AKAIN1: variants seen among roughly 807,000 people sequenced by gnomAD.
AKAIN1 encodes the protein A-kinase anchor inhibitor 1, also known as A-kinase anchor protein inhibitor 1.
AKAIN1 carries 3 observed loss-of-function variants against 3.7 expected under a neutral mutation model. The ratio of observed to expected loss-of-function variants is 0.82; its 90% CI spans 0.37 to 2.12. AKAIN1 has a LOEUF of 2.12. AKAIN1 is among the 30% of genes most tolerant of loss of function. AKAIN1 has a pLI of 0.06. For synonymous variants in AKAIN1, 31 were observed against 30.8 expected, an observed-to-expected ratio of 1.01 and a Z score of -0.02; for missense variants, 82 against 82.7, an observed-to-expected ratio of 0.99 and a Z score of 0.03.
intron 1 of AKAIN1, among the ~76,000 whole-genome samples, chr18:5,177,408 A>G (rs1302333131): frequency 6.6e-6 from 1 of 152,068 alleles, no homozygotes; most frequent in Admixed American, 6.6e-5. Flanking sequence ...AAGCCAAGCA[A>G]TGTTTTCCTA....
chr18:5,152,496 T>C (rs2071085546), intron 1 of AKAIN1, among the ~76,000 whole-genome samples: 1 of 152,140 alleles, frequency 6.6e-6, no homozygotes, highest in Non-Finnish European at 1.5e-5. Flanking sequence ...GATTTGAGGT[T>C]TCCTCCTATC....
intron 1 of AKAIN1, among the ~76,000 whole-genome samples, chr18:5,149,677 C>G (rs2071069520): frequency 1.3e-5 from 2 of 152,168 alleles, no homozygotes; most frequent in Admixed American, 1.3e-4. Context: ...ATATCTCCTT[C>G]CCTCTGAGGT....
intron 1 of AKAIN1, among the ~76,000 whole-genome samples, chr18:5,158,635 C>T (rs1254675360): frequency 6.6e-6 from 1 of 152,144 alleles, no homozygotes; most frequent in Non-Finnish European, 1.5e-5. Context: ...TCAGTTGGGT[C>T]CAGTGATGTT....
chr18:5,183,226 G>C (rs1453193163), intron 1 of AKAIN1, among the ~76,000 whole-genome samples: 1 of 151,796 alleles, frequency 6.6e-6, no homozygotes, highest in Non-Finnish European at 1.5e-5. Flanking sequence ...AAAATTAAGA[G>C]TACATTGAGT....
At chr18:5,178,773 C>T (rs956193745) in intron 1 of AKAIN1, among the ~76,000 whole-genome samples, 1 of 152,118 alleles carries the variant, frequency 6.6e-6, no homozygotes, top group Non-Finnish European at 1.5e-5. Context: ...AGAACACTCC[C>T]CTAGAGATTT....
At chr18:5,170,134 CA>C (rs1789839160) in intron 1 of AKAIN1, among the ~76,000 whole-genome samples, 1 of 152,066 alleles carries the variant, frequency 6.6e-6, no homozygotes, top group South Asian at 2.1e-4. Flanking sequence ...GAAATTTTGG[CA>C]GAAATTCATT....
Position 5,149,821 on chromosome 18 carries a change from A to G in AKAIN1, c.17-4066T>C, listed in dbSNP as rs753819045. ...ATTATCCTTATAAAGCAGCACTTTT[A>G]TACCAGGCAGTGTTTTATTTTTGTT... is the stretch of plus-strand genomic sequence containing the variant. On this transcript the variant is annotated intron_variant, in intron 1 of 1. Transcript: ENST00000434239. Among the ~76,000 whole-genome samples, 89 of 152,274 alleles carry G rather than the reference A, an allele frequency of 5.8e-4. 1 individual carries two copies. The highest frequency in any genetic ancestry group is 2.4e-4 in the Non-Finnish European group (16 of 68,018).
In AKAIN1 at chr18:5,145,374, A is replaced by G. The variant is rs902863119; in HGVS notation, c.*188T>C. The G allele has an allele frequency of 5.8e-6, 3 of 513,392 alleles. No homozygotes were observed. The highest frequency in any genetic ancestry group is 1.0e-5 in the Non-Finnish European group (3 of 287,092). 31.8% of individuals were successfully genotyped at this position (513,392 alleles called of 1,614,324 possible). A position where few individuals can be genotyped will look rare whatever the true frequency, so the allele number is the denominator to read the frequency against. ...ACTATGTCTCAGAGGCACTGCATAAATATGAACAGAATCGTCTAATGCACT... is the reference window on the plus strand; with the variant it reads ...ACTATGTCTCAGAGGCACTGCATAAGTATGAACAGAATCGTCTAATGCACT... On this transcript the variant is annotated 3_prime_UTR_variant, in exon 2 of 2. Coordinates refer to ENST00000434239, the MANE Select transcript of AKAIN1 (RefSeq NM_001145194.2).
Position 5,197,131 on chromosome 18 carries a change from G to C in AKAIN1, c.-78C>G. On this transcript the variant is annotated 5_prime_UTR_variant, in exon 1 of 2. Transcript: ENST00000434239. The surrounding 1 kb of genome is among the most constrained non-coding windows in gnomAD (Gnocchi z 6.9). ...GAGGATGGGAAGAAGGCCGGACTTG[G>C]CGGGGTCCGGTGCAGGAGGGCGCGC... 1 of 1,545,524 alleles carries C rather than the reference G, an allele frequency of 6.5e-7. No homozygotes were observed. The highest frequency in any genetic ancestry group is 1.2e-5 in the South Asian group (1 of 83,928).
intron 1 of AKAIN1, among the ~76,000 whole-genome samples, chr18:5,196,633 AG>A (rs557174511): frequency 1.1e-3 from 169 of 152,198 alleles, no homozygotes; most frequent in African/African-American, 3.6e-3. Context: ...AATTCTGCGG[AG>A]GGGGAAGTAG....
chr18:5,155,181 G>A (rs888932413), intron 1 of AKAIN1, among the ~76,000 whole-genome samples: 29 of 152,050 alleles, frequency 1.9e-4, no homozygotes, highest in Middle Eastern at 6.3e-3. Flanking sequence ...CCACTGCACG[G>A]GCCAGCCTTC....
intron 1 of AKAIN1, among the ~76,000 whole-genome samples, chr18:5,178,857 C>G (rs1423021274): frequency 6.6e-6 from 1 of 152,102 alleles, no homozygotes; most frequent in East Asian, 1.9e-4. Context: ...AGCCAAAGCA[C>G]AGATAGTAAT....
At chr18:5,185,995 A>G (rs888773981) in intron 1 of AKAIN1, among the ~76,000 whole-genome samples, 1 of 152,126 alleles carries the variant, frequency 6.6e-6, no homozygotes, top group Non-Finnish European at 1.5e-5. Context: ...ATACTACACA[A>G]CCATAAAAAA....
rs138896777 is a variant in AKAIN1 at position 5,174,080 on chromosome 18, G to C, written c.16+22958C>G. Among the ~76,000 whole-genome samples, 359 of 152,244 alleles carry C rather than the reference G, an allele frequency of 2.4e-3. 1 individual carries two copies. Among genetic ancestry groups the C allele is most frequent in the African/African-American group, 8.0e-3 (334 of 41,564 alleles). Reference sequence around the variant, plus strand: ...CTGGGTTTCCTGGCTACCTATGCCAGCTTTTCTCCCATGAACATCCTTTTT... The same window carrying C: ...CTGGGTTTCCTGGCTACCTATGCCACCTTTTCTCCCATGAACATCCTTTTT... On this transcript the variant is annotated intron_variant, in intron 1 of 1. Transcript: ENST00000434239.
chr18:5,163,265 G>C (rs2071149787), intron 1 of AKAIN1, among the ~76,000 whole-genome samples: 1 of 152,004 alleles, frequency 6.6e-6, no homozygotes, highest in South Asian at 2.1e-4. Flanking sequence ...ACTGCATTTA[G>C]AGAAACAAGA....
chr18:5,151,138 C>T (rs1292718635), intron 1 of AKAIN1, among the ~76,000 whole-genome samples: 1 of 152,184 alleles, frequency 6.6e-6, no homozygotes, highest in Non-Finnish European at 1.5e-5. Context: ...TCCCTGCACA[C>T]ACACTGTAAT....
At chr18:5,159,827 G>A (rs1056900332) in intron 1 of AKAIN1, among the ~76,000 whole-genome samples, 15 of 152,106 alleles carry the variant, frequency 9.9e-5, no homozygotes, top group Admixed American at 3.3e-4. Flanking sequence ...CTCTCCAATC[G>A]TGTCCCCTTA....
At chr18:5,188,508 C>T (rs2071300366) in intron 1 of AKAIN1, among the ~76,000 whole-genome samples, 1 of 152,016 alleles carries the variant, frequency 6.6e-6, no homozygotes, top group Non-Finnish European at 1.5e-5. Flanking sequence ...CTCTGTGCCA[C>T]CCATCCTTCC....
intron 1 of AKAIN1, among the ~76,000 whole-genome samples, chr18:5,189,744 TC>T (rs2071308548): frequency 1.4e-5 from 2 of 146,080 alleles, no homozygotes; most frequent in African/African-American, 5.1e-5. Flanking sequence ...TTCAGACTTT[TC>T]CTACAGCTCT....
Sources: gnomAD v4.1 joint callset for allele counts (sites outside exome capture counted in the v4.1 genomes callset) on GRCh38, gnomAD v4.1.1 for gene constraint, Gnocchi (gnomAD v3.1) non-coding constraint, MANE v1.5 for transcripts, NCBI Gene and HGNC (gene_info 2026-07-23, HGNC 2026-07-21) for gene names.